PTPRO: variants seen among roughly 807,000 people sequenced by gnomAD.
PTPRO encodes receptor-type tyrosine-protein phosphatase O.
Under a neutral mutation model 145.2 loss-of-function variants are expected in PTPRO, and 62 were observed. The ratio of observed to expected loss-of-function variants is 0.43; its 90% CI spans 0.35 to 0.53. The LOEUF is 0.53. Ranked by LOEUF, PTPRO falls within the 20% of genes least tolerant of loss-of-function variation. PTPRO has a pLI of 0.01. For synonymous variants in PTPRO, 565 were observed against 514.7 expected (o/e 1.10, Z -1.32); for missense variants, 1,345 against 1,482.7 (o/e 0.91, Z 1.53).
At chr12:15,357,555 C>A (rs1446073574) in intron 1 of PTPRO, among the ~76,000 whole-genome samples, 1 of 151,632 alleles carries the variant, frequency 6.6e-6, no homozygotes, top group Non-Finnish European at 1.5e-5. Context: ...AACAAACAAC[C>A]CCATCAAAAA....
chr12:15,345,526 CAT>C (rs892238655), intron 1 of PTPRO, among the ~76,000 whole-genome samples: 4 of 152,038 alleles, frequency 2.6e-5, no homozygotes, highest in African/African-American at 9.7e-5. Context: ...CCAAACACCA[CAT>C]GTTTGCGTTC....
At chr12:15,330,595 G>T (rs1866580272) in intron 1 of PTPRO, among the ~76,000 whole-genome samples, 1 of 152,190 alleles carries the variant, frequency 6.6e-6, no homozygotes, top group Non-Finnish European at 1.5e-5. Flanking sequence ...ACTGCTAGAA[G>T]GAGGGAGAAA....
At chr12:15,569,781 C>A (rs958390728) in intron 19 of PTPRO, among the ~76,000 whole-genome samples, 1 of 152,090 alleles carries the variant, frequency 6.6e-6, no homozygotes, top group Non-Finnish European at 1.5e-5. Context: ...CCAGGGAAAT[C>A]GAGAGTACAA....
intron 1 of PTPRO, among the ~76,000 whole-genome samples, chr12:15,338,722 A>G (rs960647902): frequency 6.6e-6 from 1 of 152,190 alleles, no homozygotes; most frequent in South Asian, 2.1e-4. Flanking sequence ...ATTAAGTAGC[A>G]TATCTGGAAA....
In PTPRO at chr12:15,548,816, T is replaced by C. The variant is rs1011352550; in HGVS notation, c.2305-278T>C. 5.9e-5 allele frequency among the ~76,000 whole-genome samples: 9 copies of C among 152,154 alleles called. No individual in the cohort carries two copies. The East Asian group carries it at 1.5e-3, about 26-fold the overall frequency. ...GCAGAATAATGTGTAGGCTAAGCCATCACTTATGTTTTTTAACTGTGTCAT... is the reference window on the plus strand; with the variant it reads ...GCAGAATAATGTGTAGGCTAAGCCACCACTTATGTTTTTTAACTGTGTCAT... On this transcript the variant is annotated intron_variant, in intron 13 of 26. Transcript: ENST00000281171.
chr12:15,457,717 A>G (rs777664314), intron 1 of PTPRO, among the ~76,000 whole-genome samples: 1 of 152,196 alleles, frequency 6.6e-6, no homozygotes, highest in Non-Finnish European at 1.5e-5. Flanking sequence ...GCTGATAACA[A>G]CTTATTTTCA....
intron 2 of PTPRO, among the ~76,000 whole-genome samples, chr12:15,487,182 G>T (rs1424216852): frequency 1.3e-5 from 2 of 152,104 alleles, no homozygotes; most frequent in Non-Finnish European, 2.9e-5. Flanking sequence ...CCAGCCTCAG[G>T]CTTAGGCAGA....
intron 12 of PTPRO, among the ~76,000 whole-genome samples, chr12:15,532,942 A>C (rs1176652023): frequency 1.3e-5 from 2 of 152,164 alleles, no homozygotes; most frequent in Non-Finnish European, 2.9e-5. Context: ...TTGGTTTTTC[A>C]GTCTCCCTTA....
At chr12:15,498,689 A>T (rs1038794033) in intron 3 of PTPRO, among the ~76,000 whole-genome samples, 5 of 152,176 alleles carry the variant, frequency 3.3e-5, no homozygotes, top group African/African-American at 1.2e-4. Context: ...ATAATCTGCA[A>T]ATTAATAAAT....
intron 1 of PTPRO, among the ~76,000 whole-genome samples, chr12:15,391,692 G>A (rs150705641): frequency 7.4e-4 from 112 of 152,314 alleles, no homozygotes; most frequent in African/African-American, 2.3e-3. Context: ...AAGTGACCAA[G>A]TGGTAGCTGT....
intron 1 of PTPRO, among the ~76,000 whole-genome samples, chr12:15,425,667 A>C (rs961248191): frequency 3.9e-5 from 6 of 152,164 alleles, no homozygotes; most frequent in Non-Finnish European, 8.8e-5. Flanking sequence ...CAAATGTTAC[A>C]TTATTTATTG....
At chr12:15,378,046 G>T (rs771835193) in intron 1 of PTPRO, among the ~76,000 whole-genome samples, 1 of 151,818 alleles carries the variant, frequency 6.6e-6, no homozygotes, top group Non-Finnish European at 1.5e-5. Flanking sequence ...ACAAAACAAA[G>T]ATCTTAAAAC....
In PTPRO at chr12:15,467,409, AGTGT is replaced by A. The variant is rs71042254; in HGVS notation, c.76-16546_76-16543del. Among the ~76,000 whole-genome samples, 69 of 150,102 alleles carry A rather than the reference AGTGT, an allele frequency of 4.6e-4. 1 individual carries two copies. In the South Asian group the frequency reaches 0.011, roughly 25 times the overall value. ...CTTTTATGGTAGTGAGGTAGGGGTG[AGTGT>A]GTGTGTGTGTGTGTGTGTATGTGTG... is the stretch of plus-strand genomic sequence containing the variant. On this transcript the variant is annotated intron_variant, in intron 1 of 26. Transcript: ENST00000281171.
In PTPRO at chr12:15,532,617, A is replaced by G. The variant is rs147329321; in HGVS notation, c.2164+6355A>G. Among the ~76,000 whole-genome samples, 309 of 152,300 alleles carry G rather than the reference A, an allele frequency of 2.0e-3. 3 individuals carry two copies. The highest frequency in any genetic ancestry group is 7.0e-3 in the African/African-American group (291 of 41,562). On this transcript the variant is annotated intron_variant, in intron 12 of 26. Transcript: ENST00000281171. ...AATTGAGGATCAAGGGTTGTCTCTT[A>G]CCTTTCCTGCACTGAAGGCAATCTG...
chr12:15,435,045 A>C (rs1268030232), intron 1 of PTPRO, among the ~76,000 whole-genome samples: 1 of 152,142 alleles, frequency 6.6e-6, no homozygotes, highest in Non-Finnish European at 1.5e-5. Context: ...ATTTTTAAAG[A>C]CACCAGTGCC....
chr12:15,400,107 C>T (rs572138327), intron 1 of PTPRO, among the ~76,000 whole-genome samples: 1 of 149,340 alleles, frequency 6.7e-6, no homozygotes, highest in Non-Finnish European at 1.5e-5. Context: ...TCTCCTGCCT[C>T]AGCCTCCTGA....
rs560685428 is a variant in PTPRO, at chr12:15,561,957, C to A, written c.2711+1681C>A. The stretch of plus-strand genomic sequence containing the variant: ...TATGCTCAAATTTCAGCAACCCTCA[C>A]AAGGTCTGCTATTTCTAATACCAAT... On this transcript the variant is annotated intron_variant, in intron 17 of 26. Transcript: ENST00000281171. 3.3e-5 allele frequency among the ~76,000 whole-genome samples: 5 copies of A among 152,246 alleles called. No individual in the cohort carries two copies. The East Asian group carries it at 7.7e-4, about 23-fold the overall frequency.
In PTPRO at chr12:15,478,090, C is replaced by T. The variant is rs532151092; in HGVS notation, c.76-5884C>T. 3.3e-5 allele frequency among the ~76,000 whole-genome samples: 5 copies of T among 152,234 alleles called. No individual in the cohort carries two copies. In the South Asian group the frequency reaches 6.2e-4, roughly 19 times the overall value. On this transcript the variant is annotated intron_variant, in intron 1 of 26. Coordinates refer to ENST00000281171, the MANE Select transcript of PTPRO (RefSeq NM_030667.3). ...TCATTTTTCACACCCACTATTGATTCGACACCCCCTTGGGACACTGACAAA... is the reference window on the plus strand; with the variant it reads ...TCATTTTTCACACCCACTATTGATTTGACACCCCCTTGGGACACTGACAAA...
intron 13 of PTPRO, 24 bp from the exon 14 acceptor site, chr12:15,549,070 T>G: frequency 1.2e-6 from 2 of 1,610,970 alleles, no homozygotes; most frequent in Non-Finnish European, 1.7e-6. Flanking sequence ...AACCTAAAAT[T>G]TACCTTATTT....
Sources: gnomAD v4.1 joint callset for allele counts (sites outside exome capture counted in the v4.1 genomes callset) on GRCh38, gnomAD v4.1.1 for gene constraint, MANE v1.5 for transcripts, NCBI Gene and HGNC (gene_info 2026-07-23, HGNC 2026-07-21) for gene names.